FUT8: variants seen among roughly 807,000 people sequenced by gnomAD.
FUT8 encodes alpha-(1,6)-fucosyltransferase.
In FUT8, 29 loss-of-function variants were observed where a neutral mutation model predicts 71.3. The ratio of observed to expected loss-of-function variants is 0.41; its 90% confidence interval spans 0.30 to 0.55. The LOEUF (loss-of-function observed/expected upper bound fraction) is 0.55. Ranked by LOEUF, FUT8 falls within the 20% of genes least tolerant of loss-of-function variation. The probability of loss-of-function intolerance (pLI) is 0.34; values close to 1 mark genes in which losing one functional copy is unlikely to be tolerated. For synonymous variants in FUT8, 254 were observed against 239.3 expected, an observed-to-expected ratio of 1.06 and a Z score of -0.57; for missense variants, 544 against 702.1, an observed-to-expected ratio of 0.77 and a Z score of 2.55.
At chr14:65,461,139 C>T (rs763836266) in intron 2 of FUT8, among the ~76,000 whole-genome samples, 13 of 152,192 alleles carry the variant, frequency 8.5e-5, no homozygotes, top group Non-Finnish European at 1.2e-4. Context: ...CACACTCTCT[C>T]CGAAGGCTCT....
At chr14:65,505,591 A>C (rs1172765010) in intron 2 of FUT8, among the ~76,000 whole-genome samples, 5 of 151,996 alleles carry the variant, frequency 3.3e-5, no homozygotes, top group Non-Finnish European at 5.9e-5. Context: ...GGATTACAGG[A>C]GTGAGCTACC....
intron 6 of FUT8, among the ~76,000 whole-genome samples, chr14:65,656,934 A>C (rs990850644): frequency 2.0e-5 from 3 of 152,202 alleles, no homozygotes; most frequent in African/African-American, 7.2e-5. Context: ...TGGTGCTGGG[A>C]AAACTGGATA....
intron 2 of FUT8, among the ~76,000 whole-genome samples, chr14:65,512,463 C>T (rs114547535): frequency 9.8e-4 from 149 of 152,192 alleles, no homozygotes; most frequent in African/African-American, 3.4e-3. Flanking sequence ...TCGTGCCTGG[C>T]TGGGTATTTA....
chr14:65,733,953 T>C (rs1303421408), intron 10 of FUT8, among the ~76,000 whole-genome samples: 2 of 152,144 alleles, frequency 1.3e-5, no homozygotes, highest in Non-Finnish European at 2.9e-5. Flanking sequence ...ATTTTATGGG[T>C]TTGGTGTATG....
In FUT8 at chr14:65,615,828, T is replaced by A. The variant is rs1042248108; in HGVS notation, c.204-150T>A. The A allele has an allele frequency of 1.2e-5, 7 of 590,948 alleles. No homozygotes were observed. The African/African-American group carries it at 1.3e-4, about 11-fold the overall frequency. 36.6% of individuals were successfully genotyped at this position (590,948 alleles called of 1,614,324 possible). ...CCATTTCACTGGTTAATCCTATACC[T>A]TTGAAGAGAAAATTCCATTTGGTAC... is the stretch of plus-strand genomic sequence containing the variant. On this transcript the variant is annotated intron_variant, in intron 3 of 10. Coordinates refer to ENST00000673929, the MANE Select transcript of FUT8 (RefSeq NM_001371533.1).
intron 2 of FUT8, among the ~76,000 whole-genome samples, chr14:65,494,539 C>T (rs1014061225): frequency 1.2e-4 from 19 of 152,164 alleles, no homozygotes; most frequent in Admixed American, 2.6e-4. Flanking sequence ...TGCAAAGCAT[C>T]GCTCTCCAGT....
chr14:65,409,804 T>C (rs1466741554), upstream of FUT8, among the ~76,000 whole-genome samples: 1 of 152,270 alleles, frequency 6.6e-6, no homozygotes, highest in Admixed American at 6.5e-5. The surrounding 1 kb of genome is among the most constrained non-coding windows in gnomAD (Gnocchi z 5.4). Flanking sequence ...CCCTGTTACT[T>C]GTTGTATAAC....
intron 9 of FUT8, among the ~76,000 whole-genome samples, chr14:65,726,602 G>A (rs1895699086): frequency 6.6e-6 from 1 of 152,134 alleles, no homozygotes. Context: ...CTTCCACTGG[G>A]TCCCTCCCAC....
chr14:65,409,242 A>C (rs774775605), upstream of FUT8, among the ~76,000 whole-genome samples: 33 of 152,328 alleles, frequency 2.2e-4, no homozygotes, highest in Non-Finnish European at 3.7e-4. This position sits in a 1 kb window ranked among gnomAD's most constrained non-coding sequence, Gnocchi z 5.4. Flanking sequence ...ACAATTATAA[A>C]ACAACGAGAA....
At position 65,472,177 on chromosome 14, in the gene FUT8, T is replaced by C. The variant is rs2066157220; in HGVS notation, c.-228+16459T>C. Among the ~76,000 whole-genome samples, 1 of 152,150 alleles carries C rather than the reference T, an allele frequency of 6.6e-6. No homozygotes were observed. Among genetic ancestry groups the C allele is most frequent in the East Asian group, 1.9e-4 (1 of 5,188 alleles). On this transcript the variant is annotated intron_variant, in intron 2 of 10. Transcript: ENST00000673929. The surrounding 1 kb of genome is among the most constrained non-coding windows in gnomAD (Gnocchi z 4.4). Reference sequence around the variant, plus strand: ...CAGGATCGGCTTGTAGTGAGGGCCTTAGGCTACTTCCACTGATAGCAGAAG... The same window carrying C: ...CAGGATCGGCTTGTAGTGAGGGCCTCAGGCTACTTCCACTGATAGCAGAAG...
rs1895555854 is a variant in FUT8, at chr14:65,724,010, C to G, written c.1083-137C>G. ...AGTTTTTAAAATACTATGTGTTTTACTTTTTCTAATAGTGAAAATGAAAGA... is the reference window on the plus strand; with the variant it reads ...AGTTTTTAAAATACTATGTGTTTTAGTTTTTCTAATAGTGAAAATGAAAGA... On this transcript the variant is annotated intron_variant, in intron 8 of 10. Transcript: ENST00000673929. The G allele has an allele frequency of 5.5e-6, 3 of 548,010 alleles. No homozygotes were observed. In the Admixed American group the frequency reaches 1.1e-4, roughly 21 times the overall value. 33.9% of individuals were successfully genotyped at this position (548,010 alleles called of 1,614,324 possible).
intron 2 of FUT8, among the ~76,000 whole-genome samples, chr14:65,528,637 C>T (rs529924225): frequency 2.0e-5 from 3 of 152,282 alleles, no homozygotes; most frequent in East Asian, 1.9e-4. Context: ...TCTTCTGCGT[C>T]GCTCAGGCTG....
At chr14:65,635,253 G>C (rs1296398810) in intron 6 of FUT8, among the ~76,000 whole-genome samples, 1 of 152,070 alleles carries the variant, frequency 6.6e-6, no homozygotes, top group African/African-American at 2.4e-5. Context: ...AGAATCTTTA[G>C]GGTTTTTGAG....
chr14:65,604,202 A>G (rs183546920), intron 3 of FUT8, among the ~76,000 whole-genome samples: 1 of 152,018 alleles, frequency 6.6e-6, no homozygotes, highest in East Asian at 1.9e-4. Context: ...ATCAAGACAG[A>G]AAGTCAACAA....
the FUT8 span, among the ~76,000 whole-genome samples, chr14:65,371,163 T>A: frequency 4.6e-5 from 7 of 152,346 alleles, no homozygotes; most frequent in African/African-American, 1.7e-4. Flanking sequence ...CTTAAAATAA[T>A]CCTGTGTCAA....
intron 2 of FUT8, among the ~76,000 whole-genome samples, chr14:65,518,866 C>T (rs963302697): frequency 6.6e-6 from 1 of 152,042 alleles, no homozygotes; most frequent in African/African-American, 2.4e-5. Flanking sequence ...GTGCCTTGCA[C>T]ATAATAAAAT....
intron 5 of FUT8, among the ~76,000 whole-genome samples, chr14:65,617,777 C>G (rs140147903): frequency 1.3e-5 from 2 of 151,722 alleles, no homozygotes; most frequent in Non-Finnish European, 2.9e-5. Context: ...AACCCCGTCT[C>G]TACCAAAAAT....
chr14:65,530,015 C>T (rs929889246), intron 2 of FUT8, among the ~76,000 whole-genome samples: 2 of 152,098 alleles, frequency 1.3e-5, no homozygotes, highest in African/African-American at 4.8e-5. Flanking sequence ...ATTGGTTTTG[C>T]TCTGTATCAT....
At chr14:65,573,978 G>A (rs1886625083) in intron 3 of FUT8, among the ~76,000 whole-genome samples, 1 of 152,108 alleles carries the variant, frequency 6.6e-6, no homozygotes, top group Admixed American at 6.6e-5. Flanking sequence ...CAGTTTAGGT[G>A]GTGTCTCTGC....
Sources: gnomAD v4.1 joint callset for allele counts (sites outside exome capture counted in the v4.1 genomes callset) on GRCh38, gnomAD v4.1.1 for gene constraint, Gnocchi (gnomAD v3.1) non-coding constraint, MANE v1.5 for transcripts, NCBI Gene and HGNC (gene_info 2026-07-23, HGNC 2026-07-21) for gene names.